Variants in CSMD1 observed in about 807,000 individuals in gnomAD.
CSMD1 encodes the protein CUB and sushi domain-containing protein 1.
In CSMD1, 213 loss-of-function variants were observed where a neutral mutation model predicts 417.5. The ratio of observed to expected loss-of-function variants is 0.51; its 90% CI spans 0.46 to 0.57. The LOEUF (loss-of-function observed/expected upper bound fraction) is 0.57, where lower values mean the gene tolerates loss of function less well. CSMD1 is among the 20% of genes least tolerant of loss of function. The probability of loss-of-function intolerance (pLI) is 0.00; values close to 1 mark genes in which losing one functional copy is unlikely to be tolerated. For missense variants in CSMD1, 6,923 were observed against 4,529.7 expected, an observed-to-expected ratio of 1.53 and a Z score of -15.17; for synonymous variants, 2,862 against 1,736.8, an observed-to-expected ratio of 1.65 and a Z score of -16.11.
In CSMD1 at chr8:4,197,850, G is replaced by C. The variant is rs117843354; in HGVS notation, c.416-165751C>G. The stretch of plus-strand genomic sequence containing the variant: ...GCCAAGATAATGCTACCACACTCCA[G>C]CCTGGGCAACAGAGTAAGACTCCAT... On this transcript the variant is annotated intron_variant, in intron 3 of 69. Coordinates refer to ENST00000635120, the MANE Select transcript of CSMD1 (RefSeq NM_033225.6). 1.5e-3 allele frequency among the ~76,000 whole-genome samples: 223 copies of C among 152,294 alleles called. 1 individual carries two copies. Among genetic ancestry groups the C allele is most frequent in the South Asian group, 0.01 (49 of 4,824 alleles).
intron 3 of CSMD1, among the ~76,000 whole-genome samples, chr8:4,285,216 C>G (rs571930468): frequency 6.6e-6 from 1 of 152,204 alleles, no homozygotes; most frequent in African/African-American, 2.4e-5. Flanking sequence ...ATTCAAACTG[C>G]TTGTATACAA....
At chr8:4,780,721 C>G (rs1236170833) in intron 1 of CSMD1, among the ~76,000 whole-genome samples, 1 of 152,094 alleles carries the variant, frequency 6.6e-6, no homozygotes, top group Non-Finnish European at 1.5e-5. Context: ...TGACCCCCTT[C>G]CCACTCTTCT....
chr8:4,278,377 T>C (rs1010412813), intron 3 of CSMD1, among the ~76,000 whole-genome samples: 2 of 152,178 alleles, frequency 1.3e-5, no homozygotes. Context: ...AACTATAAAA[T>C]TATCAGCTAT....
intron 3 of CSMD1, among the ~76,000 whole-genome samples, chr8:4,069,657 G>A (rs952632280): frequency 6.6e-6 from 1 of 152,068 alleles, no homozygotes; most frequent in Non-Finnish European, 1.5e-5. Context: ...CTGGGCCATG[G>A]CTCCTGTTTC....
At chr8:3,008,185 T>C (rs1808100729) in intron 52 of CSMD1, among the ~76,000 whole-genome samples, 1 of 152,116 alleles carries the variant, frequency 6.6e-6, no homozygotes, top group South Asian at 2.1e-4. Context: ...GGAAGAAGGC[T>C]CGAGAGGGAG....
chr8:3,483,223 T>G (rs547556982), intron 11 of CSMD1, among the ~76,000 whole-genome samples: 2 of 151,954 alleles, frequency 1.3e-5, no homozygotes, highest in South Asian at 2.1e-4. Context: ...ATAAGAACAC[T>G]TGCAGAAAGT....
At chr8:3,658,577 G>C (rs1798247609) in intron 7 of CSMD1, among the ~76,000 whole-genome samples, 2 of 151,802 alleles carry the variant, frequency 1.3e-5, no homozygotes, top group South Asian at 4.2e-4. Context: ...GAGGTCAGGA[G>C]TTTGAGACCA....
chr8:4,642,938 T>C (rs944462261), intron 1 of CSMD1, among the ~76,000 whole-genome samples: 6 of 152,210 alleles, frequency 3.9e-5, no homozygotes, highest in Non-Finnish European at 8.8e-5. Context: ...CTGTAGCAAA[T>C]TCTACAAACG....
intron 3 of CSMD1, among the ~76,000 whole-genome samples, chr8:4,075,573 G>A (rs118041508): frequency 1.3e-5 from 2 of 152,106 alleles, no homozygotes; most frequent in Non-Finnish European, 1.5e-5. Flanking sequence ...AATATTAAAC[G>A]ATGATTAATT....
chr8:4,832,393 G>C (rs748967047), intron 1 of CSMD1, among the ~76,000 whole-genome samples: 1 of 152,198 alleles, frequency 6.6e-6, no homozygotes, highest in Non-Finnish European at 1.5e-5. Context: ...GAAAGATACA[G>C]TGGACATTGA....
chr8:3,507,811 G>C (rs1010605199), intron 10 of CSMD1, among the ~76,000 whole-genome samples: 5 of 152,158 alleles, frequency 3.3e-5, no homozygotes, highest in African/African-American at 1.2e-4. Context: ...CTTCTTTTGA[G>C]AAATATCTGT....
chr8:3,500,897 G>A (rs1585260724), intron 10 of CSMD1, among the ~76,000 whole-genome samples: 1 of 152,294 alleles, frequency 6.6e-6, no homozygotes, highest in Non-Finnish European at 1.5e-5. Flanking sequence ...AGAGAAGTAA[G>A]AATGTGTCAG....
chr8:4,846,201 G>A (rs895465955), intron 1 of CSMD1, among the ~76,000 whole-genome samples: 48 of 152,116 alleles, frequency 3.2e-4, no homozygotes, highest in African/African-American at 1.1e-3. Flanking sequence ...CACATGTCCA[G>A]GATCTTTTTT....
chr8:4,050,534 T>C (rs1798371254), intron 3 of CSMD1, among the ~76,000 whole-genome samples: 1 of 152,170 alleles, frequency 6.6e-6, no homozygotes, highest in South Asian at 2.1e-4. Flanking sequence ...GGTAAATCTT[T>C]AAGCATTTAT....
intron 2 of CSMD1, among the ~76,000 whole-genome samples, chr8:4,619,800 T>C (rs1465686798): frequency 6.6e-6 from 1 of 152,116 alleles, no homozygotes; most frequent in Admixed American, 6.6e-5. Context: ...TCATATCACA[T>C]AGCACATATC....
At chr8:3,543,975 G>A (rs1481907623) in intron 10 of CSMD1, among the ~76,000 whole-genome samples, 2 of 152,154 alleles carry the variant, frequency 1.3e-5, no homozygotes, top group Non-Finnish European at 2.9e-5. Context: ...AAAGCAGAAA[G>A]AGTCAGATAG....
At chr8:4,894,020 A>C (rs1283582463) in intron 1 of CSMD1, among the ~76,000 whole-genome samples, 1 of 151,284 alleles carries the variant, frequency 6.6e-6, no homozygotes. Flanking sequence ...ATACCTTTGG[A>C]TTTTCTCTTT....
At chr8:4,114,571 G>C (rs373718638) in intron 3 of CSMD1, among the ~76,000 whole-genome samples, 6 of 103,190 alleles carry the variant, frequency 5.8e-5, no homozygotes, top group African/African-American at 1.4e-4. Flanking sequence ...AAATGCATAA[G>C]TCTATAGCTT....
intron 15 of CSMD1, among the ~76,000 whole-genome samples, chr8:3,401,639 C>A (rs1812044793): frequency 6.6e-6 from 1 of 152,182 alleles, no homozygotes; most frequent in East Asian, 1.9e-4. Flanking sequence ...GTGAATTTCT[C>A]ACAAATGTGG....
Sources: gnomAD v4.1 joint callset for allele counts (sites outside exome capture counted in the v4.1 genomes callset) on GRCh38, gnomAD v4.1.1 for gene constraint, MANE v1.5 for transcripts, NCBI Gene and HGNC (gene_info 2026-07-23, HGNC 2026-07-21) for gene names.